Variants in ADGRL2 observed in about 807,000 individuals in gnomAD.
ADGRL2 encodes calcium-independent alpha-latrotoxin receptor 2.
A neutral mutation model predicts 157.4 loss-of-function variants in ADGRL2; 44 were observed. The ratio of observed to expected loss-of-function variants is 0.28; its 90% CI spans 0.22 to 0.36. The LOEUF (loss-of-function observed/expected upper bound fraction) is 0.36, where lower values mean the gene tolerates loss of function less well. Ranked by LOEUF, ADGRL2 falls within the 10% of genes least tolerant of loss-of-function variation. The pLI is 1.00. For missense variants in ADGRL2, 1,510 were observed against 1,768.9 expected (o/e 0.85, Z 2.63); for synonymous variants, 585 against 624.7 (o/e 0.94, Z 0.95).
intron 1 of ADGRL2, among the ~76,000 whole-genome samples, chr1:81,391,235 A>C (rs1288716651): frequency 6.6e-6 from 1 of 152,310 alleles, no homozygotes; most frequent in East Asian, 1.9e-4. Context: ...TTGATATAGG[A>C]GTGACATGTG....
chr1:81,462,327 A>G (rs1162460794), intron 2 of ADGRL2, among the ~76,000 whole-genome samples: 1 of 152,174 alleles, frequency 6.6e-6, no homozygotes, highest in Non-Finnish European at 1.5e-5. Context: ...ATGTTGTGGA[A>G]GGTTAGTTCT....
chr1:81,812,332 A>G (rs2089959632), intron 1 of ADGRL2, among the ~76,000 whole-genome samples: 1 of 151,780 alleles, frequency 6.6e-6, no homozygotes, highest in African/African-American at 2.4e-5. Flanking sequence ...GTTCTAAAGA[A>G]AGTAAGGCAT....
chr1:81,961,724 A>T (rs1655466819), intron 11 of ADGRL2, among the ~76,000 whole-genome samples: 1 of 151,800 alleles, frequency 6.6e-6, no homozygotes, highest in Non-Finnish European at 1.5e-5. Flanking sequence ...TGGCCAGGCA[A>T]GTCTCGAACT....
chr1:81,655,236 G>A (rs964178746), intron 3 of ADGRL2, among the ~76,000 whole-genome samples: 24 of 152,252 alleles, frequency 1.6e-4, no homozygotes, highest in African/African-American at 3.1e-4. Context: ...TCCTGACTTC[G>A]TGATCCGCCC....
In ADGRL2 at chr1:81,748,361, C is replaced by T. The variant is rs565160822; in HGVS notation, c.-142-13450C>T. On this transcript the variant is annotated intron_variant, in intron 1 of 20. Coordinates refer to the ADGRL2 transcript ENST00000359929. ...GCACGCGCCTATAATCCCAGCTACT[C>T]GGGAGGCTGAGGAAGGAGAATCGCT... is the stretch of plus-strand genomic sequence containing the variant. Among the ~76,000 whole-genome samples, 455 of 146,942 alleles carry T rather than the reference C, an allele frequency of 3.1e-3. 2 individuals are homozygous for T. The highest frequency in any genetic ancestry group is 0.011 in the African/African-American group (424 of 39,874).
chr1:81,431,432 G>A (rs1045750893), intron 1 of ADGRL2, among the ~76,000 whole-genome samples: 8 of 152,102 alleles, frequency 5.3e-5, no homozygotes, highest in South Asian at 2.1e-4. Flanking sequence ...AGAGGCTGCC[G>A]CTGAAGGGCC....
At chr1:81,618,563 A>G (rs138216177) in intron 3 of ADGRL2, among the ~76,000 whole-genome samples, 5 of 152,322 alleles carry the variant, frequency 3.3e-5, no homozygotes, top group African/African-American at 1.2e-4. Flanking sequence ...CTTTTTGTTC[A>G]TTGTACCAAG....
chr1:81,729,904 A>G (rs532567372), intron 1 of ADGRL2, among the ~76,000 whole-genome samples: 77 of 152,306 alleles, frequency 5.1e-4, no homozygotes, highest in Non-Finnish European at 2.1e-4. Flanking sequence ...TACTTCTCCT[A>G]TTCAGATATA....
chr1:81,363,642 T>G (rs1377027736), intron 1 of ADGRL2, among the ~76,000 whole-genome samples: 1 of 152,130 alleles, frequency 6.6e-6, no homozygotes, highest in South Asian at 2.1e-4. Flanking sequence ...TCCATTGTGC[T>G]GCTGACCAAT....
chr1:81,771,160 C>T (rs892329333), intron 2 of ADGRL2, among the ~76,000 whole-genome samples: 2 of 152,088 alleles, frequency 1.3e-5, no homozygotes, highest in African/African-American at 4.8e-5. Flanking sequence ...GAACAGTTCA[C>T]CATTAAGTTG....
chr1:81,895,312 A>G (rs1030524493), intron 2 of ADGRL2, among the ~76,000 whole-genome samples: 1 of 151,454 alleles, frequency 6.6e-6, no homozygotes, highest in South Asian at 2.1e-4. Flanking sequence ...AAAAATTAAT[A>G]TGGAAATATA....
At chr1:81,387,256 C>G (rs1389310471) in intron 1 of ADGRL2, among the ~76,000 whole-genome samples, 1 of 152,086 alleles carries the variant, frequency 6.6e-6, no homozygotes, top group Non-Finnish European at 1.5e-5. Flanking sequence ...GGACTCTGCA[C>G]CAAACCTTGC....
chr1:81,960,959 G>A (rs760599318), intron 11 of ADGRL2, among the ~76,000 whole-genome samples: 71 of 152,214 alleles, frequency 4.7e-4, no homozygotes, highest in Non-Finnish European at 5.3e-4. Flanking sequence ...GTTCTGCTCC[G>A]TGTTGTTTTT....
chr1:81,400,837 G>A (rs141327230), intron 1 of ADGRL2, among the ~76,000 whole-genome samples: 50 of 152,250 alleles, frequency 3.3e-4, no homozygotes, highest in Middle Eastern at 3.4e-3. Context: ...GGGAAGTAGA[G>A]TACTAGAGTT....
chr1:81,814,613 C>T (rs551361020), intron 1 of ADGRL2, among the ~76,000 whole-genome samples: 79 of 151,108 alleles, frequency 5.2e-4, no homozygotes, highest in Middle Eastern at 3.7e-3. Context: ...TCTTGTTATT[C>T]CCAGGATTTA....
At chr1:81,633,640 T>C (rs2082057469) in intron 3 of ADGRL2, among the ~76,000 whole-genome samples, 1 of 146,844 alleles carries the variant, frequency 6.8e-6, no homozygotes, top group South Asian at 2.3e-4. Flanking sequence ...CGATTTTCTC[T>C]ACCAAATCTA....
chr1:81,462,426 G>A (rs571761072), intron 2 of ADGRL2, among the ~76,000 whole-genome samples: 49 of 152,146 alleles, frequency 3.2e-4, no homozygotes, highest in Admixed American at 2.6e-3. Flanking sequence ...AGGGTCTGTG[G>A]CTTCATTCTT....
At chr1:81,434,429 C>T (rs571459371) in intron 1 of ADGRL2, among the ~76,000 whole-genome samples, 2 of 152,028 alleles carry the variant, frequency 1.3e-5, no homozygotes, top group Non-Finnish European at 2.9e-5. Flanking sequence ...TTTATTGTCT[C>T]TCTCTCCTAC....
intron 3 of ADGRL2, among the ~76,000 whole-genome samples, chr1:81,916,974 A>G (rs1557906820): frequency 6.7e-6 from 1 of 149,344 alleles, no homozygotes; most frequent in Admixed American, 6.7e-5. Context: ...AGAAAGAGAG[A>G]AAAAAAAAAT....
Sources: allele counts gnomAD v4.1 joint callset (sites outside exome capture counted in the v4.1 genomes callset), GRCh38; gene constraint gnomAD v4.1.1; transcripts MANE v1.5; gene names NCBI Gene and HGNC (gene_info 2026-07-23, HGNC 2026-07-21).